The following HTR2C variants were observed in gnomAD, a reference collection of about 807,000 sequenced individuals.
HTR2C encodes 5-hydroxytryptamine receptor 2C.
A neutral mutation model predicts 21.0 loss-of-function variants in HTR2C; 5 were observed. The observed-to-expected ratio is 0.24, with a 90% CI of 0.12 to 0.50. The LOEUF (loss-of-function observed/expected upper bound fraction) is 0.50. Ranked by LOEUF, HTR2C falls within the 20% of genes least tolerant of loss-of-function variation. The pLI, the probability that HTR2C is intolerant of heterozygous loss-of-function variation, is 0.98. For synonymous variants in HTR2C, 150 were observed against 145.3 expected (o/e 1.03, Z -0.23); for missense variants, 271 against 371.2 (o/e 0.73, Z 2.22).
intron 2 of HTR2C, among the ~76,000 whole-genome samples, chrX:114,646,910 CA>C (rs782098810): frequency 4.9e-4 from 55 of 111,726 alleles, no homozygotes; most frequent in African/African-American, 1.7e-3. Context: ...AGATGATGAA[CA>C]TTTTTTTTCA....
intron 2 of HTR2C, among the ~76,000 whole-genome samples, chrX:114,701,375 A>G (rs1440128378): frequency 9.0e-6 from 1 of 111,086 alleles, no homozygotes; most frequent in African/African-American, 3.3e-5. Context: ...TTCCAGAGGA[A>G]CAATCAGACA....
chrX:114,786,053 T>C (rs1200664208), intron 4 of HTR2C, among the ~76,000 whole-genome samples: 1 of 111,968 alleles, frequency 8.9e-6, no homozygotes, highest in Non-Finnish European at 1.9e-5. Flanking sequence ...ACAAAAGAAA[T>C]GCAAGTGGAC....
chrX:114,893,409 A>G (rs1433868663), intron 5 of HTR2C, among the ~76,000 whole-genome samples: 1 of 111,683 alleles, frequency 9.0e-6, no homozygotes. Flanking sequence ...ACTCACACAT[A>G]AACTATCAGT....
At chrX:114,714,973 T>G (rs1457397979) in intron 2 of HTR2C, among the ~76,000 whole-genome samples, 1 of 112,355 alleles carries the variant, frequency 8.9e-6, no homozygotes, top group African/African-American at 3.2e-5. Context: ...TGCAAATTAA[T>G]TTTTGTTGTC....
At chrX:114,757,486 A>G (rs368650876) in intron 4 of HTR2C, among the ~76,000 whole-genome samples, 4 of 111,762 alleles carry the variant, frequency 3.6e-5, no homozygotes, top group East Asian at 5.6e-4. Flanking sequence ...CAAAATGTAT[A>G]AGGCCAAGTC....
intron 2 of HTR2C, chrX:114,639,516 G>A (rs1930005893): frequency 8.8e-6 from 1 of 113,096 alleles, no homozygotes; most frequent in African/African-American, 3.3e-5. Context: ...CTGTTACCAT[G>A]ATTAATTTCG....
chrX:114,836,148 G>C (rs1168424353), intron 4 of HTR2C, among the ~76,000 whole-genome samples: 4 of 107,223 alleles, frequency 3.7e-5, no homozygotes, highest in Non-Finnish European at 7.8e-5. Context: ...AGAGGTTACT[G>C]CTATCTTTTT....
intron 4 of HTR2C, among the ~76,000 whole-genome samples, chrX:114,740,423 A>G (rs1336524578): frequency 9.0e-6 from 1 of 110,817 alleles, no homozygotes; most frequent in African/African-American, 3.3e-5. Context: ...GAAAAAAACT[A>G]CATAAGTAAT....
chrX:114,709,214 C>G (rs1351116186), intron 2 of HTR2C, among the ~76,000 whole-genome samples: 5 of 111,696 alleles, frequency 4.5e-5, no homozygotes, highest in Non-Finnish European at 9.4e-5. Context: ...AAGCGTCTTT[C>G]TTTTTCACTC....
At chrX:114,820,833 T>G (rs1430993857) in intron 4 of HTR2C, among the ~76,000 whole-genome samples, 1 of 111,200 alleles carries the variant, frequency 9.0e-6, no homozygotes, top group African/African-American at 3.3e-5. Context: ...GGGTATGTCT[T>G]TAGCAGTAGC....
intron 2 of HTR2C, among the ~76,000 whole-genome samples, chrX:114,665,196 C>T (rs1556410746): frequency 9.0e-6 from 1 of 111,643 alleles, no homozygotes; most frequent in Non-Finnish European, 1.9e-5. Context: ...GAGGAGACCT[C>T]CTTATTACAC....
At chrX:114,763,009 T>C (rs1436652427) in intron 4 of HTR2C, among the ~76,000 whole-genome samples, 1 of 112,430 alleles carries the variant, frequency 8.9e-6, no homozygotes, top group African/African-American at 3.2e-5. Context: ...CATGCACTGC[T>C]GCAATTATTC....
At chrX:114,648,947 T>C (rs1341665486) in intron 2 of HTR2C, among the ~76,000 whole-genome samples, 1 of 111,652 alleles carries the variant, frequency 9.0e-6, no homozygotes, top group Non-Finnish European at 1.9e-5. Flanking sequence ...CTTTTCTGTA[T>C]TGGAGTATGG....
chrX:114,876,419 T>TTCC (rs2071136140), intron 5 of HTR2C, among the ~76,000 whole-genome samples: 2 of 41,901 alleles, frequency 4.8e-5, no homozygotes, highest in Non-Finnish European at 8.9e-5. Context: ...TTTCTTTTTC[T>TTCC]TTCTTTTTTT....
intron 1 of HTR2C, among the ~76,000 whole-genome samples, chrX:114,605,696 G>C (rs1368381532): frequency 9.0e-6 from 1 of 111,186 alleles, no homozygotes; most frequent in Non-Finnish European, 1.9e-5. Flanking sequence ...TAGGTTTTAG[G>C]TCAGGTGTGA....
In HTR2C at chrX:114,584,576, C is replaced by G. The variant is rs1556388992; in HGVS notation, c.-230C>G. The stretch of plus-strand genomic sequence containing the variant: ...TCAGCGCACCGACTGCCGCGGGCTC[C>G]GCTGGGCGATTGCAGCCGAGTCCGT... On this transcript the variant is annotated 5_prime_UTR_variant, in exon 1 of 6. Transcript: ENST00000276198. 8.8e-6 allele frequency: 1 copy of G among 113,014 alleles called. No homozygotes were observed. 9.3% of individuals were successfully genotyped at this position (113,014 alleles called of 1,213,427 possible). A position where few individuals can be genotyped will look rare whatever the true frequency, so the allele number is the denominator to read the frequency against.
At chrX:114,708,765 C>T (rs782597606) in intron 2 of HTR2C, among the ~76,000 whole-genome samples, 46 of 109,222 alleles carry the variant, frequency 4.2e-4, no homozygotes, top group African/African-American at 1.5e-3. Context: ...TATGATCATG[C>T]CACTGCACTC....
intron 4 of HTR2C, among the ~76,000 whole-genome samples, chrX:114,745,426 A>G (rs1004155659): frequency 2.7e-5 from 3 of 112,110 alleles, no homozygotes; most frequent in Admixed American, 9.5e-5. Context: ...TTGAGCTGCT[A>G]TATGATCTAG....
intron 2 of HTR2C, among the ~76,000 whole-genome samples, chrX:114,715,984 A>G (rs782239774): frequency 8.9e-6 from 1 of 112,678 alleles, no homozygotes; most frequent in Admixed American, 9.4e-5. Flanking sequence ...AATATATGAA[A>G]CTACTATTAT....
Sources: gnomAD v4.1 joint callset for allele counts (sites outside exome capture counted in the v4.1 genomes callset) on GRCh38, gnomAD v4.1.1 for gene constraint, MANE v1.5 for transcripts, NCBI Gene and HGNC (gene_info 2026-07-23, HGNC 2026-07-21) for gene names.